UNC13A: variants seen among roughly 807,000 people sequenced by gnomAD.
UNC13A encodes unc-13 homolog A, also known as protein unc-13 homolog A.
Under a neutral mutation model 219.7 loss-of-function variants are expected in UNC13A, and 61 were observed. That is an observed-to-expected ratio of 0.28 (90% CI 0.23 to 0.34). The LOEUF (loss-of-function observed/expected upper bound fraction) is 0.34, where lower values mean the gene tolerates loss of function less well. Ranked by LOEUF, UNC13A falls within the 10% of genes least tolerant of loss-of-function variation. The pLI, the probability that UNC13A is intolerant of heterozygous loss-of-function variation, is 1.00. For synonymous variants in UNC13A, 920 were observed against 884.6 expected (o/e 1.04, Z -0.71); for missense variants, 1,476 against 2,270.3 (o/e 0.65, Z 7.11).
intron 27 of UNC13A, 41 bp downstream of exon 27, chr19:17,633,067 T>C: frequency 1.2e-6 from 2 of 1,611,672 alleles, no homozygotes; most frequent in Non-Finnish European, 1.7e-6. Context: ...TACAGCCACC[T>C]GGTGTGGCCA....
intron 8 of UNC13A, 37 bp from the exon 9 acceptor site, chr19:17,658,306 A>G (rs1411130607): frequency 6.3e-7 from 1 of 1,578,028 alleles, no homozygotes; most frequent in East Asian, 2.3e-5. Flanking sequence ...AGGGTGAGGA[A>G]GAGAGAGTGC....
rs1300454316 is a variant in UNC13A, at chr19:17,668,138, A to G, written c.447T>C (p.Asn149=). ...RYWAKKLEQL[N]AMRDQDEYSF... ...TCACTTCATCCTGGTCCCGCATAGC[A>G]TTGAGCTGCTCCAGCTTCTTGGCCC... The change falls in exon 6 of 44, where the codon AAT becomes AAC. Residue 149 remains asparagine, a synonymous_variant. Coordinates refer to ENST00000519716, the MANE Select transcript of UNC13A (RefSeq NM_001080421.3). 1.9e-6 allele frequency: 3 copies of G among 1,613,768 alleles called. No homozygotes were observed. The highest frequency in any genetic ancestry group is 2.2e-5 in the South Asian group (2 of 91,062).
At chr19:17,617,382 A>G (rs1220603235) in intron 41 of UNC13A, among the ~76,000 whole-genome samples, 1 of 152,126 alleles carries the variant, frequency 6.6e-6, no homozygotes, top group African/African-American at 2.4e-5. Flanking sequence ...ACGACGTCAC[A>G]GGTTCCACAC....
Position 17,610,098 on chromosome 19 carries a change from C to T in UNC13A, c.4653G>A (p.Val1551=). ...GCCACTTGAGGTCATTGGCAGCCAC[C>T]ACTGTTGGAGGAAGTAGAGGGTAAG... ...GTGEHKVTVK[V]VAANDLKWQT... Residue 1551 remains valine, a splice_region_variant and synonymous_variant, in exon 43 of 44, where the codon GTG becomes GTA. Transcript: ENST00000519716. 1 of 1,614,012 alleles carries T rather than the reference C, an allele frequency of 6.2e-7. No individual in the cohort carries two copies.
chr19:17,686,591 C>G (rs901101271), intron 1 of UNC13A, among the ~76,000 whole-genome samples: 12 of 152,100 alleles, frequency 7.9e-5, no homozygotes, highest in African/African-American at 2.9e-4. Context: ...ACTCCCCTAA[C>G]TCCATAGGCC....
At chr19:17,620,592 C>G in intron 38 of UNC13A, 101 bp downstream of exon 38, 1 of 1,013,370 alleles carries the variant, frequency 9.9e-7, no homozygotes, top group Non-Finnish European at 1.4e-6. Context: ...GTTCACAGTA[C>G]GCCCTCGGAC....
intron 10 of UNC13A, 124 bp downstream of exon 10, chr19:17,655,759 A>T: frequency 7.0e-7 from 1 of 1,419,312 alleles, no homozygotes; most frequent in Non-Finnish European, 9.1e-7. Context: ...CCCTTTAAGA[A>T]ACCCAAGAGC....
chr19:17,658,297 G>A, intron 8 of UNC13A, 28 bp from the exon 9 acceptor site: 1 of 1,592,068 alleles, frequency 6.3e-7, no homozygotes, highest in Non-Finnish European at 8.6e-7. Context: ...TATGGGAAGA[G>A]GGTGAGGAAG....
chr19:17,674,765 G>A lies in UNC13A; in HGVS notation c.53-9C>T. On this transcript the variant is annotated splice_polypyrimidine_tract_variant and intron_variant, in intron 2 of 43. Coordinates refer to ENST00000519716, the MANE Select transcript of UNC13A (RefSeq NM_001080421.3). The surrounding 1 kb of genome is among the most constrained non-coding windows in gnomAD (Gnocchi z 5.0). ...GTACGTGTTGAATTTCTCTGTGGCAGTGAGAGTAGGGGTCAGCGCTGGGGC... is the reference window on the plus strand; with the variant it reads ...GTACGTGTTGAATTTCTCTGTGGCAATGAGAGTAGGGGTCAGCGCTGGGGC... 1.2e-6 allele frequency: 2 copies of A among 1,612,302 alleles called. No individual in the cohort carries two copies. The highest frequency in any genetic ancestry group is 2.2e-5 in the East Asian group (1 of 44,882).
chr19:17,639,610 C>G (rs2076946165), intron 23 of UNC13A, 85 bp from the exon 24 acceptor site: 1 of 1,452,436 alleles, frequency 6.9e-7, no homozygotes, highest in South Asian at 1.3e-5. Context: ...TACAAAGGCT[C>G]CCCGGTTTCA....
chr19:17,643,075 G>A (rs1016304078), intron 19 of UNC13A, 115 bp from the exon 20 acceptor site: 13 of 737,592 alleles, frequency 1.8e-5, no homozygotes, highest in East Asian at 1.7e-4. Flanking sequence ...GCAGTGGCAC[G>A]ATCTCAGCTC....
chr19:17,616,582 G>A (rs896542961), intron 41 of UNC13A: 9 of 520,848 alleles, frequency 1.7e-5, no homozygotes, highest in Non-Finnish European at 2.8e-5. Context: ...GGGAGGCGCG[G>A]AGAGGGGACG....
intron 9 of UNC13A, among the ~76,000 whole-genome samples, 182 bp from the exon 10 acceptor site, chr19:17,656,580 G>A (rs537027801): frequency 1.6e-4 from 24 of 152,258 alleles, no homozygotes; most frequent in Non-Finnish European, 3.4e-4. Flanking sequence ...GGCCAGGTGC[G>A]GTGGCTCACG....
At position 17,656,305 on chromosome 19, in the gene UNC13A, C is replaced by T; in HGVS notation, c.861G>A (p.Leu287=). The T allele has an allele frequency of 1.3e-6, 2 of 1,554,352 alleles. No individual in the cohort carries two copies. The highest frequency in any genetic ancestry group is 1.2e-5 in the South Asian group (1 of 84,274). Residue 287 remains leucine, a synonymous_variant, in exon 10 of 44, where the codon CTG becomes CTA. Coordinates refer to ENST00000519716, the MANE Select transcript of UNC13A (RefSeq NM_001080421.3). ...SEDFDPDEHS[L]QGSDMEDERD... ...GCTCATCCTCCATGTCGGAGCCCTGCAGGCTGTGCTCGTCAGGGTCGAAGT... is the reference window on the plus strand; with the variant it reads ...GCTCATCCTCCATGTCGGAGCCCTGTAGGCTGTGCTCGTCAGGGTCGAAGT...
rs191026591 is a variant in UNC13A at position 17,672,657 on chromosome 19, A to C, written c.153-162T>G. Among the ~76,000 whole-genome samples, 795 of 152,168 alleles carry C rather than the reference A, an allele frequency of 5.2e-3. 5 individuals carry two copies. The highest frequency in any genetic ancestry group is 7.5e-3 in the Non-Finnish European group (508 of 67,996). On this transcript the variant is annotated intron_variant, in intron 3 of 43. Coordinates refer to ENST00000519716, the MANE Select transcript of UNC13A (RefSeq NM_001080421.3). ...TAACATGGTGGTTCTCATTTTATAG[A>C]GGGGAAACTGAGGCCAGTGGGGGAA...
intron 35 of UNC13A, 75 bp downstream of exon 35, chr19:17,624,754 T>C: frequency 6.5e-7 from 1 of 1,530,976 alleles, no homozygotes; most frequent in South Asian, 1.3e-5. Flanking sequence ...CCCCCCAGCC[T>C]CTAGGCACCA....
rs375789223 is a variant in UNC13A at position 17,645,705 on chromosome 19, G to A, written c.2325C>T (p.Leu775=). The A allele has an allele frequency of 3.2e-5, 52 of 1,614,114 alleles. No individual in the cohort carries two copies. The highest frequency in any genetic ancestry group is 2.0e-4 in the South Asian group (18 of 91,090). ...LGQTIIEVRT[L]SGEMDVWYNL... ...TGTACCACACGTCCATCTCGCCGCTGAGCGTCCGCACCTCAATGATCGTCT... is the reference window on the plus strand; with the variant it reads ...TGTACCACACGTCCATCTCGCCGCTAAGCGTCCGCACCTCAATGATCGTCT... The change falls in exon 19 of 44, where the codon CTC becomes CTT. Residue 775 remains leucine, a synonymous_variant. Coordinates refer to ENST00000519716, the MANE Select transcript of UNC13A (RefSeq NM_001080421.3).
chr19:17,680,647 C>G (rs1295650868), intron 1 of UNC13A, among the ~76,000 whole-genome samples: 1 of 152,040 alleles, frequency 6.6e-6, no homozygotes, highest in Non-Finnish European at 1.5e-5. Context: ...GACGGAGTGG[C>G]TGATCTCCCT....
Position 17,606,200 on chromosome 19 carries a change from CGAGCGGCAGCCAGCAGGCGGCG to C in UNC13A, c.4944_4965del (p.Ser1648ArgfsTer31). On this transcript the variant is annotated frameshift_variant, in exon 44 of 44. Coordinates refer to ENST00000519716, the MANE Select transcript of UNC13A (RefSeq NM_001080421.3). LOFTEE classifies it low-confidence loss of function (END_TRUNC). ...GTGTCGTCCATGTGGATGCGGCGGC[CGAGCGGCAGCCAGCAGGCGGCG>C]CTCCCGCGCTGGGCCAGCTCACGCA... 1.9e-6 allele frequency: 3 copies of C among 1,551,428 alleles called. No individual in the cohort carries two copies. Among genetic ancestry groups the C allele is most frequent in the Non-Finnish European group, 1.7e-6 (2 of 1,150,722 alleles).
Sources: gnomAD v4.1 joint callset for allele counts (sites outside exome capture counted in the v4.1 genomes callset) on GRCh38, gnomAD v4.1.1 for gene constraint, Gnocchi (gnomAD v3.1) non-coding constraint, MANE v1.5 for transcripts, NCBI Gene and HGNC (gene_info 2026-07-23, HGNC 2026-07-21) for gene names.